PRRX2: variants seen among roughly 807,000 people sequenced by gnomAD.
PRRX2 encodes the protein paired related homeobox 2.
A neutral mutation model predicts 18.0 loss-of-function variants in PRRX2; 11 were observed. The ratio of observed to expected loss-of-function variants is 0.61; its 90% CI spans 0.39 to 1.01. PRRX2 has a LOEUF of 1.01. PRRX2 is among the 50% of genes least tolerant of loss of function. PRRX2 has a pLI of 0.01. For missense variants in PRRX2, 387 were observed against 351.0 expected (o/e 1.10, Z -0.82); for synonymous variants, 177 against 154.8 (o/e 1.14, Z -1.06).
At chr9:129,704,490 C>T (rs942931731) in intron 1 of PRRX2, among the ~76,000 whole-genome samples, 7 of 152,190 alleles carry the variant, frequency 4.6e-5, no homozygotes, top group African/African-American at 9.6e-5. Context: ...GGTAGCCCCC[C>T]TAACCCAATT....
At chr9:129,711,227 A>G (rs1832613612) in intron 1 of PRRX2, among the ~76,000 whole-genome samples, 1 of 151,962 alleles carries the variant, frequency 6.6e-6, no homozygotes, top group Admixed American at 6.6e-5. Context: ...CTGCTCTCTG[A>G]GTTCCAATCC....
chr9:129,676,552 C>T (rs1311645859), intron 1 of PRRX2, among the ~76,000 whole-genome samples: 2 of 152,184 alleles, frequency 1.3e-5, no homozygotes, highest in African/African-American at 4.8e-5. Context: ...AGCCCATGTG[C>T]TTTCAGGACA....
At chr9:129,701,533 AG>A (rs1405200821) in intron 1 of PRRX2, among the ~76,000 whole-genome samples, 1 of 152,230 alleles carries the variant, frequency 6.6e-6, no homozygotes, top group Non-Finnish European at 1.5e-5. Context: ...GCATAACTGC[AG>A]GGGACACCAG....
chr9:129,673,375 T>C (rs964207479), intron 1 of PRRX2, among the ~76,000 whole-genome samples: 2 of 152,170 alleles, frequency 1.3e-5, no homozygotes, highest in Admixed American at 6.5e-5. Flanking sequence ...GAGGATCCCT[T>C]GAGCCCAGGA....
rs1239085979 is a variant in PRRX2, at chr9:129,675,854, C to T, written c.259+9728C>T. On this transcript the variant is annotated intron_variant, in intron 1 of 3. Coordinates refer to ENST00000372469, the MANE Select transcript of PRRX2 (RefSeq NM_016307.4). This position sits in a 1 kb window ranked among gnomAD's most constrained non-coding sequence, Gnocchi z 4.4. ...CCGCCAGAGCTCTGCGCGGGCCTCCCGTATAAAACCCCGCAGAACGCCGAG... is the reference window on the plus strand; with the variant it reads ...CCGCCAGAGCTCTGCGCGGGCCTCCTGTATAAAACCCCGCAGAACGCCGAG... Among the ~76,000 whole-genome samples, 2 of 152,206 alleles carry T rather than the reference C, an allele frequency of 1.3e-5. No individual in the cohort carries two copies. Among genetic ancestry groups the T allele is most frequent in the Non-Finnish European group, 1.5e-5 (1 of 68,028 alleles).
At position 129,674,440 on chromosome 9, in the gene PRRX2, G is replaced by T. The variant is rs573845692; in HGVS notation, c.259+8314G>T. ...GCGGTAGGAGGGGCTAGGAGTGAGT[G>T]GGGGCAACGGGTGATGGAGCAGCCA... On this transcript the variant is annotated intron_variant, in intron 1 of 3. Coordinates refer to ENST00000372469, the MANE Select transcript of PRRX2 (RefSeq NM_016307.4). Among the ~76,000 whole-genome samples, 16 of 152,274 alleles carry T rather than the reference G, an allele frequency of 1.1e-4. No individual in the cohort carries two copies. The East Asian group carries it at 2.5e-3, about 24-fold the overall frequency.
intron 1 of PRRX2, among the ~76,000 whole-genome samples, chr9:129,686,421 A>G (rs1162019054): frequency 6.6e-6 from 1 of 152,170 alleles, no homozygotes; most frequent in African/African-American, 2.4e-5. Flanking sequence ...ATCACAGCTC[A>G]CTGCAGTCTC....
chr9:129,684,532 A>ACACACACACACACACACACCCC (rs1165343797), intron 1 of PRRX2, among the ~76,000 whole-genome samples: 5 of 140,280 alleles, frequency 3.6e-5, no homozygotes, highest in South Asian at 2.3e-4. Context: ...ACCCACACAC[A>ACACACACACACACACACACCCC]CCCCAACAGA....
At chr9:129,673,379 C>T (rs1176608589) in intron 1 of PRRX2, among the ~76,000 whole-genome samples, 1 of 152,128 alleles carries the variant, frequency 6.6e-6, no homozygotes, top group African/African-American at 2.4e-5. Flanking sequence ...ATCCCTTGAG[C>T]CCAGGAGTTC....
At chr9:129,716,481 G>T in intron 1 of PRRX2, among the ~76,000 whole-genome samples, 1 of 147,952 alleles carries the variant, frequency 6.8e-6, no homozygotes. Flanking sequence ...TGAGACAAGA[G>T]TCTCACTCTG....
At position 129,720,708 on chromosome 9, in the gene PRRX2, C is replaced by T; in HGVS notation, c.560C>T (p.Pro187Leu). The change falls in exon 3 of 4, where the codon CCC becomes CTC. Residue 187 changes from proline (P) to leucine (L), a missense_variant. Transcript: ENST00000372469. The stretch of plus-strand genomic sequence containing the variant: ...AGCCAGGAGGCCGCCATCGAGCAGC[C>T]CGTGGCTCCCCGGCCCACCGCCCTG... ...SYSQEAAIEQPVAPRPTALSP... is the reference protein window; with the variant it reads ...SYSQEAAIEQLVAPRPTALSP... 1.9e-6 allele frequency: 3 copies of T among 1,612,930 alleles called. No homozygotes were observed. The highest frequency in any genetic ancestry group is 2.5e-6 in the Non-Finnish European group (3 of 1,179,644).
In PRRX2 at chr9:129,695,201, C is replaced by G. The variant is rs1832406005; in HGVS notation, c.260-24030C>G. ...TCTAGGAGGATTATTCCCTTCTCCA[C>G]CCCACAGTCCGTGAGTGTGGATAGG... On this transcript the variant is annotated intron_variant, in intron 1 of 3. Coordinates refer to ENST00000372469, the MANE Select transcript of PRRX2 (RefSeq NM_016307.4). The surrounding 1 kb of genome is among the most constrained non-coding windows in gnomAD (Gnocchi z 4.8). Among the ~76,000 whole-genome samples, 1 of 152,194 alleles carries G rather than the reference C, an allele frequency of 6.6e-6. No individual in the cohort carries two copies. The highest frequency in any genetic ancestry group is 2.1e-4 in the South Asian group (1 of 4,828).
At chr9:129,669,259 G>C (rs905546338) in intron 1 of PRRX2, among the ~76,000 whole-genome samples, 1 of 152,172 alleles carries the variant, frequency 6.6e-6, no homozygotes, top group Non-Finnish European at 1.5e-5. Flanking sequence ...AGAAATGGCC[G>C]GGAAGACCGT....
chr9:129,703,583 G>T (rs1368731594), intron 1 of PRRX2, among the ~76,000 whole-genome samples: 5 of 152,048 alleles, frequency 3.3e-5, no homozygotes, highest in Admixed American at 2.6e-4. Flanking sequence ...CTGTGAACAG[G>T]GCTTAATAAC....
chr9:129,713,952 C>T (rs368980008), intron 1 of PRRX2, among the ~76,000 whole-genome samples: 2 of 151,620 alleles, frequency 1.3e-5, no homozygotes, highest in African/African-American at 4.8e-5. Flanking sequence ...CAACAGACAT[C>T]GATTTCAATC....
intron 1 of PRRX2, among the ~76,000 whole-genome samples, chr9:129,714,371 C>A (rs1832676421): frequency 1.3e-5 from 2 of 150,530 alleles, no homozygotes; most frequent in South Asian, 4.2e-4. Context: ...CCACTGCACT[C>A]CAGCCTGGGG....
chr9:129,704,358 A>G (rs981823079), intron 1 of PRRX2, among the ~76,000 whole-genome samples: 3 of 152,152 alleles, frequency 2.0e-5, no homozygotes, highest in Non-Finnish European at 2.9e-5. Flanking sequence ...TTTTGTCCCA[A>G]TACAGATGGT....
intron 1 of PRRX2, among the ~76,000 whole-genome samples, chr9:129,677,958 C>CTTTTTTTTTTTTTTTTT (rs760645440): frequency 3.5e-5 from 4 of 113,116 alleles, no homozygotes; most frequent in Admixed American, 9.1e-5. Context: ...TTCTTTCTTT[C>CTTTTTTTTTTTTTTTTT]TTTTTTTTTT....
rs71385454 is a variant in PRRX2, at chr9:129,684,482, TCACACACACA to T, written c.259+18388_259+18397del. On this transcript the variant is annotated intron_variant, in intron 1 of 3. Coordinates refer to ENST00000372469, the MANE Select transcript of PRRX2 (RefSeq NM_016307.4). The stretch of plus-strand genomic sequence containing the variant: ...CACCCAACAGAAAAGATACCAGAAA[TCACACACACA>T]CACACACACACACACACACACACAC... Among the ~76,000 whole-genome samples, 71 of 43,294 alleles carry T rather than the reference TCACACACACA, an allele frequency of 1.6e-3. 1 individual carries two copies. Among genetic ancestry groups the T allele is most frequent in the Admixed American group, 7.9e-3 (36 of 4,576 alleles). The allele number at this position is 43,294 out of a possible 152,430, so 28.4% of individuals were successfully genotyped here.
Sources: allele counts gnomAD v4.1 joint callset (sites outside exome capture counted in the v4.1 genomes callset), GRCh38; gene constraint gnomAD v4.1.1; non-coding constraint Gnocchi (gnomAD v3.1); transcripts MANE v1.5; gene names NCBI Gene and HGNC (gene_info 2026-07-23, HGNC 2026-07-21).